The following C10orf143 variants were observed in gnomAD, a reference collection of about 807,000 sequenced individuals.
The protein encoded by C10orf143 is uncharacterized protein C10orf143.
At chr10:130,055,974 A>G (rs1860790394) in intron 3 of C10orf143, among the ~76,000 whole-genome samples, 1 of 150,680 alleles carries the variant, frequency 6.6e-6, no homozygotes, top group African/African-American at 2.4e-5. Context: ...AAAAAAAAAA[A>G]AAAAAGAAAG....
intron 3 of C10orf143, among the ~76,000 whole-genome samples, chr10:130,037,336 G>C (rs550568891): frequency 6.6e-6 from 1 of 152,330 alleles, no homozygotes; most frequent in African/African-American, 2.4e-5. Flanking sequence ...ACTTACCCCA[G>C]TAACACTGCC....
intron 3 of C10orf143, among the ~76,000 whole-genome samples, chr10:130,057,033 A>G (rs1332852865): frequency 2.0e-5 from 3 of 149,834 alleles, no homozygotes; most frequent in Non-Finnish European, 4.4e-5. Context: ...AAGTACAGGC[A>G]TATGCTACCA....
In C10orf143 at chr10:130,056,753, G is replaced by C. The variant is rs12762755; in HGVS notation, c.298-20783C>G. ...ATTACAGGCACCCACCACCGCACCT[G>C]GCTAATTTTTTGTATTTTTAGTAGA... On this transcript the variant is annotated intron_variant and NMD_transcript_variant, in intron 3 of 5. Transcript: ENST00000643056. This position sits in a 1 kb window ranked among gnomAD's most constrained non-coding sequence, Gnocchi z 4.6. Among the ~76,000 whole-genome samples the C allele has an allele frequency of 1.3e-5, 2 of 151,898 alleles. No homozygotes were observed. Among genetic ancestry groups the C allele is most frequent in the Admixed American group, 6.6e-5 (1 of 15,258 alleles).
At chr10:130,106,208 G>T (rs770651938) in intron 1 of C10orf143, 3 of 1,170,904 alleles carry the variant, frequency 2.6e-6, no homozygotes, top group Admixed American at 3.5e-5. Flanking sequence ...ATTTTTTGCT[G>T]TTCTCCTTTT....
intron 1 of C10orf143, among the ~76,000 whole-genome samples, chr10:130,101,494 T>G (rs973629368): frequency 6.6e-6 from 1 of 152,090 alleles, no homozygotes; most frequent in African/African-American, 2.4e-5. Context: ...AGCAACATTT[T>G]TATATTACTG....
chr10:130,092,432 G>A (rs967900016), intron 1 of C10orf143, among the ~76,000 whole-genome samples: 1 of 152,108 alleles, frequency 6.6e-6, no homozygotes, highest in Non-Finnish European at 1.5e-5. Context: ...AATATGGAAA[G>A]GAAAAACTGG....
At chr10:130,098,662 A>G (rs1387622740) in intron 1 of C10orf143, among the ~76,000 whole-genome samples, 2 of 152,256 alleles carry the variant, frequency 1.3e-5, no homozygotes, top group East Asian at 3.8e-4. Context: ...AAGCCAAGGC[A>G]GAGTCCTTCC....
intron 1 of C10orf143, among the ~76,000 whole-genome samples, chr10:130,109,403 T>A (rs1332808352): frequency 1.3e-5 from 2 of 152,074 alleles, no homozygotes; most frequent in Non-Finnish European, 2.9e-5. Flanking sequence ...CTGATCTGGG[T>A]ACCACCAGCC....
intron 1 of C10orf143, among the ~76,000 whole-genome samples, chr10:130,099,941 G>A (rs1436028789): frequency 4.0e-5 from 6 of 150,834 alleles, no homozygotes; most frequent in Non-Finnish European, 5.9e-5. Context: ...AGGTTCAAGC[G>A]ATTCTCCCAC....
chr10:130,062,189 C>G (rs1860865340), downstream of C10orf143, among the ~76,000 whole-genome samples: 2 of 152,132 alleles, frequency 1.3e-5, no homozygotes, highest in Non-Finnish European at 2.9e-5. Flanking sequence ...GGTACCCAGT[C>G]ACAAGCTCCT....
At chr10:130,036,437 C>A (rs1377184077) in intron 3 of C10orf143, among the ~76,000 whole-genome samples, 4 of 152,154 alleles carry the variant, frequency 2.6e-5, no homozygotes, top group African/African-American at 9.7e-5. Flanking sequence ...GTTCTTCAGT[C>A]CCTATCTCAA....
chr10:130,048,204 C>T (rs1302047051), intron 3 of C10orf143, among the ~76,000 whole-genome samples: 8 of 152,204 alleles, frequency 5.3e-5, no homozygotes, highest in African/African-American at 1.7e-4. Context: ...TATATGACGG[C>T]TGTCTGGGGG....
intron 3 of C10orf143, among the ~76,000 whole-genome samples, chr10:130,072,610 T>G (rs1320663100): frequency 4.6e-5 from 7 of 152,204 alleles, no homozygotes; most frequent in Admixed American, 4.6e-4. Flanking sequence ...TTTTTCAAAC[T>G]GTCTTCCTTT....
chr10:130,103,086 C>T (rs1861585306), intron 1 of C10orf143, among the ~76,000 whole-genome samples: 1 of 151,964 alleles, frequency 6.6e-6, no homozygotes, highest in Non-Finnish European at 1.5e-5. Flanking sequence ...TCAAGCGATC[C>T]TCCTGCCTCA....
Position 130,069,858 on chromosome 10 carries a change from C to CT in C10orf143, c.298-5476dup, listed in dbSNP as rs35594121. ...TTTCCAATTCTTATGTCCATTGTTT[C>CT]TTTTTTTTTTTCTTATCACATTATG... On this transcript the variant is annotated intron_variant, in intron 3 of 3. Coordinates refer to ENST00000637128, the MANE Select transcript of C10orf143 (RefSeq NM_001355042.2). 3.6e-3 allele frequency among the ~76,000 whole-genome samples: 546 copies of CT among 150,118 alleles called. 2 individuals are homozygous for CT. The highest frequency in any genetic ancestry group is 0.012 in the African/African-American group (473 of 40,826).
chr10:130,108,032 G>T (rs1204999993), intron 1 of C10orf143: 1 of 1,486,736 alleles, frequency 6.7e-7, no homozygotes, highest in South Asian at 1.1e-5. Flanking sequence ...CAGTAGAAAT[G>T]ACACCAAAGA....
downstream of C10orf143, among the ~76,000 whole-genome samples, chr10:130,061,900 C>T (rs764552707): frequency 2.0e-5 from 3 of 151,192 alleles, no homozygotes; most frequent in South Asian, 2.1e-4. Flanking sequence ...GAGCAGAGAC[C>T]GTCCTGTGGC....
At chr10:130,045,962 G>T (rs1434030581) in intron 3 of C10orf143, among the ~76,000 whole-genome samples, 1 of 152,114 alleles carries the variant, frequency 6.6e-6, no homozygotes, top group East Asian at 1.9e-4. Context: ...GGCGTGAGGT[G>T]CTGGACTGAG....
In C10orf143 at chr10:130,079,723, G is replaced by C. The variant is rs1861174763; in HGVS notation, c.234+14C>G. 1 of 398,660 alleles carries C rather than the reference G, an allele frequency of 2.5e-6. No homozygotes were observed. Among genetic ancestry groups the C allele is most frequent in the African/African-American group, 2.1e-5 (1 of 48,740 alleles). The allele number at this position is 398,660 out of a possible 1,614,324, so 24.7% of individuals were successfully genotyped here. A position where few individuals can be genotyped will look rare whatever the true frequency, so the allele number is the denominator to read the frequency against. ...AACATGCTCACAAGTAGTTTGGTGG[G>C]AAGAGGAACATACCCCTGTACTTAG... On this transcript the variant is annotated intron_variant, in intron 2 of 3. Transcript: ENST00000637128.
Sources: allele counts gnomAD v4.1 joint callset (sites outside exome capture counted in the v4.1 genomes callset), GRCh38; gene constraint gnomAD v4.1.1; non-coding constraint Gnocchi (gnomAD v3.1); transcripts MANE v1.5; gene names NCBI Gene and HGNC (gene_info 2026-07-23, HGNC 2026-07-21).